The following CASZ1 variants were observed in gnomAD, a reference collection of about 807,000 sequenced individuals.
CASZ1 encodes the protein zinc finger protein castor homolog 1.
In CASZ1, 28 loss-of-function variants were observed where a neutral mutation model predicts 135.2. That is an observed-to-expected ratio of 0.21 (90% confidence interval 0.15 to 0.28). The LOEUF (loss-of-function observed/expected upper bound fraction) is 0.28, where lower values mean the gene tolerates loss of function less well. Ranked by LOEUF, CASZ1 falls within the 10% of genes least tolerant of loss-of-function variation. The probability of loss-of-function intolerance (pLI) is 1.00; values close to 1 mark genes in which losing one functional copy is unlikely to be tolerated. For synonymous variants in CASZ1, 1,068 were observed against 1,073.4 expected (o/e 0.99, Z 0.10); for missense variants, 2,161 against 2,453.3 (o/e 0.88, Z 2.52).
chr1:10,688,698 A>C (rs1340135403), intron 4 of CASZ1, among the ~76,000 whole-genome samples: 1 of 152,118 alleles, frequency 6.6e-6, no homozygotes, highest in African/African-American at 2.4e-5. Context: ...CGCCTCCCAC[A>C]TGGGTGTCTT....
intron 11 of CASZ1, chr1:10,653,115 G>A (rs755997139): frequency 5.3e-5 from 29 of 546,316 alleles, no homozygotes; most frequent in Non-Finnish European, 8.3e-5. Flanking sequence ...CAGGGCAGCC[G>A]AGGAGGCAGG....
chr1:10,791,808 GA>G (rs1640961350), intron 1 of CASZ1, among the ~76,000 whole-genome samples: 1 of 151,384 alleles, frequency 6.6e-6, no homozygotes, highest in Non-Finnish European at 1.5e-5. Context: ...TAAGCCAGAG[GA>G]AAAAAAAGAA....
At chr1:10,728,004 C>T (rs536953781) in intron 2 of CASZ1, among the ~76,000 whole-genome samples, 49 of 152,352 alleles carry the variant, frequency 3.2e-4, no homozygotes, top group African/African-American at 9.4e-4. Flanking sequence ...ACGTGAAGAA[C>T]GAGGGGTCCT....
chr1:10,791,504 G>A (rs989332036), intron 1 of CASZ1, among the ~76,000 whole-genome samples: 7 of 152,034 alleles, frequency 4.6e-5, no homozygotes, highest in South Asian at 4.1e-4. Context: ...TCCTCCCCCC[G>A]TCATGCTAAC....
chr1:10,770,814 T>G (rs777327475), intron 1 of CASZ1, among the ~76,000 whole-genome samples: 8 of 152,244 alleles, frequency 5.3e-5, no homozygotes, highest in Admixed American at 1.3e-4. Context: ...GGGGGCCATC[T>G]GCAAAGTCAA....
At chr1:10,754,476 T>G (rs1483671041) in intron 2 of CASZ1, among the ~76,000 whole-genome samples, 26 of 152,224 alleles carry the variant, frequency 1.7e-4, no homozygotes, top group Admixed American at 1.7e-3. Context: ...CCCCTGAGGC[T>G]GAGCCCTGGC....
In CASZ1 at chr1:10,767,523, C is replaced by A. The variant is rs750851041; in HGVS notation, c.-233-6666G>T. On this transcript the variant is annotated intron_variant, in intron 1 of 20. Transcript: ENST00000377022. This position sits in a 1 kb window ranked among gnomAD's most constrained non-coding sequence, Gnocchi z 4.2. ...CCAGGGAGGCCGGGAAGCAGAGAGC[C>A]GGAGGAGTCAGCAGCTGCCTGCCCC... is the stretch of plus-strand genomic sequence containing the variant. Among the ~76,000 whole-genome samples, 2 of 152,154 alleles carry A rather than the reference C, an allele frequency of 1.3e-5. No individual in the cohort carries two copies. Among genetic ancestry groups the A allele is most frequent in the African/African-American group, 4.8e-5 (2 of 41,432 alleles).
rs1570404237 is a variant in CASZ1 at position 10,647,458 on chromosome 1, G to C, written c.3497+343C>G. 1 of 1,211,012 alleles carries C rather than the reference G, an allele frequency of 8.3e-7. No homozygotes were observed. The highest frequency in any genetic ancestry group is 1.6e-5 in the African/African-American group (1 of 63,720). 75.0% of individuals were successfully genotyped at this position (1,211,012 alleles called of 1,614,324 possible). A position where few individuals can be genotyped will look rare whatever the true frequency, so the allele number is the denominator to read the frequency against. On this transcript the variant is annotated intron_variant, in intron 16 of 20. Transcript: ENST00000377022. The surrounding 1 kb of genome is among the most constrained non-coding windows in gnomAD (Gnocchi z 4.9). ...CAGAGGAGGCCAATACGGAGGCTCG[G>C]AGGGAGACGCAGCCCTCCTTGTCAG...
At chr1:10,662,390 C>A (rs1463614763) in intron 5 of CASZ1, among the ~76,000 whole-genome samples, 2 of 152,022 alleles carry the variant, frequency 1.3e-5, no homozygotes, top group Non-Finnish European at 2.9e-5. Context: ...CACACCCACA[C>A]ACCCAATCAC....
In CASZ1 at chr1:10,723,456, T is replaced by C. The variant is rs535114246; in HGVS notation, c.-76-17912A>G. Among the ~76,000 whole-genome samples, 19 of 152,312 alleles carry C rather than the reference T, an allele frequency of 1.2e-4. No homozygotes were observed. The South Asian group carries it at 3.7e-3, about 30-fold the overall frequency. On this transcript the variant is annotated intron_variant, in intron 2 of 20. Coordinates refer to ENST00000377022, the MANE Select transcript of CASZ1 (RefSeq NM_001079843.3). Reference sequence around the variant, plus strand: ...ACCACCCATAAAACAGAGGAGCCACTGGCTGTGGCTCTGAGCAGTCTATTC... The same window carrying C: ...ACCACCCATAAAACAGAGGAGCCACCGGCTGTGGCTCTGAGCAGTCTATTC...
chr1:10,661,640 TCAAA>T (rs1387483092), intron 5 of CASZ1, among the ~76,000 whole-genome samples: 1 of 145,060 alleles, frequency 6.9e-6, no homozygotes, highest in African/African-American at 2.6e-5. Context: ...ACATGCATTC[TCAAA>T]CACACACACG....
At chr1:10,684,814 T>C (rs1638534803) in intron 4 of CASZ1, among the ~76,000 whole-genome samples, 1 of 152,234 alleles carries the variant, frequency 6.6e-6, no homozygotes, top group Admixed American at 6.5e-5. Context: ...ACACAGGGCC[T>C]CTCATGCCCG....
At chr1:10,744,268 G>T (rs1295628030) in intron 2 of CASZ1, among the ~76,000 whole-genome samples, 1 of 151,996 alleles carries the variant, frequency 6.6e-6, no homozygotes, top group Non-Finnish European at 1.5e-5. Flanking sequence ...AGAGCCAAGG[G>T]TGGGGTCCTG....
At chr1:10,677,111 C>T (rs961893866) in intron 4 of CASZ1, among the ~76,000 whole-genome samples, 8 of 152,324 alleles carry the variant, frequency 5.3e-5, no homozygotes, top group South Asian at 2.1e-4. Context: ...GAGTGAGTCA[C>T]GGTGAGGGCA....
At chr1:10,685,307 G>A (rs992320842) in intron 4 of CASZ1, among the ~76,000 whole-genome samples, 6 of 152,322 alleles carry the variant, frequency 3.9e-5, no homozygotes, top group Admixed American at 1.3e-4. Context: ...GATATTTGCC[G>A]TTTATGGAAA....
chr1:10,786,538 C>T (rs1354113832), intron 1 of CASZ1, among the ~76,000 whole-genome samples: 1 of 152,218 alleles, frequency 6.6e-6, no homozygotes, highest in Non-Finnish European at 1.5e-5. Flanking sequence ...GTGTCCTCTC[C>T]CGCATGGGTC....
At position 10,706,855 on chromosome 1, in the gene CASZ1, G is replaced by T. The variant is rs369021198; in HGVS notation, c.-76-1311C>A. On this transcript the variant is annotated intron_variant, in intron 2 of 20. Transcript: ENST00000377022. This position sits in a 1 kb window ranked among gnomAD's most constrained non-coding sequence, Gnocchi z 4.3. ...CATCCAGATGATGAGAGGCGGGGGG[G>T]TCTGCAGAGAGCTGGGCGGACCCCT... 3.3e-5 allele frequency among the ~76,000 whole-genome samples: 5 copies of T among 152,042 alleles called. No homozygotes were observed. The highest frequency in any genetic ancestry group is 5.9e-5 in the Non-Finnish European group (4 of 67,948).
chr1:10,691,003 C>T (rs1376738481), intron 4 of CASZ1, among the ~76,000 whole-genome samples: 1 of 152,006 alleles, frequency 6.6e-6, no homozygotes, highest in African/African-American at 2.4e-5. Context: ...CTCCCCTCCC[C>T]CCTTCCCGCT....
At position 10,647,650 on chromosome 1, in the gene CASZ1, TAGA is replaced by T. The variant is rs1642405264; in HGVS notation, c.3497+148_3497+150del. The stretch of plus-strand genomic sequence containing the variant: ...AGGTAGGAGCAGCAGCATCTTTGGC[TAGA>T]AGGACATCACCCGATGGCCATGCCC... On this transcript the variant is annotated intron_variant, in intron 16 of 20. Coordinates refer to ENST00000377022, the MANE Select transcript of CASZ1 (RefSeq NM_001079843.3). The surrounding 1 kb of genome is among the most constrained non-coding windows in gnomAD (Gnocchi z 4.9). 1 of 1,474,512 alleles carries T rather than the reference TAGA, an allele frequency of 6.8e-7. No homozygotes were observed. The allele number at this position is 1,474,512 out of a possible 1,614,324, so 91.3% of individuals were successfully genotyped here.
Sources: allele counts gnomAD v4.1 joint callset (sites outside exome capture counted in the v4.1 genomes callset), GRCh38; gene constraint gnomAD v4.1.1; non-coding constraint Gnocchi (gnomAD v3.1); transcripts MANE v1.5; gene names NCBI Gene and HGNC (gene_info 2026-07-23, HGNC 2026-07-21).